The following LARP1B variants were observed in gnomAD, a reference collection of about 807,000 sequenced individuals.
LARP1B encodes La ribonucleoprotein 1B.
In LARP1B, 76 loss-of-function variants were observed where a neutral mutation model predicts 114.2. That is an observed-to-expected ratio of 0.67 (90% CI 0.55 to 0.81). The LOEUF (loss-of-function observed/expected upper bound fraction) is 0.81, where lower values mean the gene tolerates loss of function less well. Among genes scored for constraint, LARP1B ranks in the 30% least tolerant of loss-of-function variants. The probability of loss-of-function intolerance (pLI) is 0.00; values close to 1 mark genes in which losing one functional copy is unlikely to be tolerated. For missense variants in LARP1B, 1,014 were observed against 1,075.8 expected (o/e 0.94, Z 0.80); for synonymous variants, 345 against 348.0 (o/e 0.99, Z 0.10).
chr4:128,113,947 C>T (rs1383558176), intron 9 of LARP1B, among the ~76,000 whole-genome samples: 6 of 151,924 alleles, frequency 3.9e-5, no homozygotes, highest in South Asian at 4.2e-4. Flanking sequence ...CCACCACGCC[C>T]GGCTAATTTT....
chr4:128,086,082 C>T (rs561921948), intron 5 of LARP1B, among the ~76,000 whole-genome samples: 26 of 142,566 alleles, frequency 1.8e-4, no homozygotes, highest in South Asian at 1.8e-3. Flanking sequence ...GGCGCGATCT[C>T]GGCTCGCTGC....
chr4:128,091,151 CA>C lies in LARP1B; in HGVS notation c.502+8del. Reference sequence around the variant, plus strand: ...GGCAGAGGAAATCCTCGATGTATGACATAATTTTTGTTTCGTTAAATTAGAT... The same window carrying C: ...GGCAGAGGAAATCCTCGATGTATGACTAATTTTTGTTTCGTTAAATTAGAT... On this transcript the variant is annotated splice_region_variant and intron_variant, in intron 6 of 19. Transcript: ENST00000326639. The C allele has an allele frequency of 6.2e-7, 1 of 1,606,454 alleles. No homozygotes were observed. The highest frequency in any genetic ancestry group is 8.5e-7 in the Non-Finnish European group (1 of 1,178,286).
At chr4:128,127,257 CAG>C (rs10552671) in intron 11 of LARP1B, among the ~76,000 whole-genome samples, 89,676 of 151,694 alleles carry the variant, frequency 0.59, 27,604 homozygotes, top group Middle Eastern at 0.8. Context: ...GAAAGGACTG[CAG>C]AGCAAAACAA....
chr4:128,130,348 A>G (rs773997925), intron 11 of LARP1B, among the ~76,000 whole-genome samples: 30 of 152,210 alleles, frequency 2.0e-4, no homozygotes, highest in Non-Finnish European at 1.8e-4. Context: ...TGGTCGATAG[A>G]CCAGTTTATT....
chr4:128,073,820 A>AC (rs1394410439), intron 1 of LARP1B, among the ~76,000 whole-genome samples: 1 of 150,548 alleles, frequency 6.6e-6, no homozygotes, highest in Non-Finnish European at 1.5e-5. Flanking sequence ...CAAACTCCTG[A>AC]CTCCAGTGAT....
At chr4:128,083,541 C>T (rs1381916004) in intron 5 of LARP1B, among the ~76,000 whole-genome samples, 1 of 149,770 alleles carries the variant, frequency 6.7e-6, no homozygotes, top group African/African-American at 2.5e-5. Flanking sequence ...GCGCCCCTCA[C>T]CTCCCGGACG....
chr4:128,176,505 G>A (rs773579001), intron 12 of LARP1B, among the ~76,000 whole-genome samples: 20 of 151,774 alleles, frequency 1.3e-4, no homozygotes, highest in African/African-American at 3.6e-4. Flanking sequence ...CATTGGACAG[G>A]CTGGTCTCGA....
chr4:128,125,699 T>G (rs72683906), intron 11 of LARP1B, among the ~76,000 whole-genome samples: 4,109 of 152,248 alleles, frequency 0.027, 82 homozygotes, highest in Middle Eastern at 0.058. Flanking sequence ...TGAGTGGAGA[T>G]CACGTCAATG....
intron 8 of LARP1B, among the ~76,000 whole-genome samples, chr4:128,104,558 C>T (rs746592262): frequency 1.1e-4 from 17 of 152,056 alleles, no homozygotes; most frequent in Non-Finnish European, 1.8e-4. Context: ...GATTCTCCTG[C>T]CTCAGCCTCC....
intron 11 of LARP1B, among the ~76,000 whole-genome samples, chr4:128,124,749 G>GGAAATATA (rs1789022491): frequency 2.6e-5 from 4 of 152,176 alleles, no homozygotes; most frequent in Admixed American, 2.6e-4. Flanking sequence ...AGGTGGCAGA[G>GGAAATATA]GAAATATAGA....
chr4:128,083,515 GGGCGGCCGGGCAGA>G lies in LARP1B; in HGVS notation c.358+1215_358+1228del, dbSNP rs1771570809. 4.7e-5 allele frequency among the ~76,000 whole-genome samples: 7 copies of G among 150,286 alleles called. 1 individual carries two copies. The South Asian group carries it at 1.5e-3, about 32-fold the overall frequency. On this transcript the variant is annotated intron_variant, in intron 5 of 19. Coordinates refer to ENST00000326639, the MANE Select transcript of LARP1B (RefSeq NM_018078.4). ...AGAGGGGCGCCTCACTTCCCAGTAG[GGGCGGCCGGGCAGA>G]GGCGCCCCTCACCTCCCGGACGGGG...
At chr4:128,111,533 C>T (rs1217890124) in intron 9 of LARP1B, among the ~76,000 whole-genome samples, 1 of 151,976 alleles carries the variant, frequency 6.6e-6, no homozygotes, top group East Asian at 1.9e-4. Context: ...ACCCAGTCTA[C>T]AAAATACATG....
intron 6 of LARP1B, among the ~76,000 whole-genome samples, chr4:128,219,393 C>A (rs1218576537): frequency 8.5e-5 from 6 of 70,980 alleles, no homozygotes; most frequent in Non-Finnish European, 1.7e-4. Flanking sequence ...TTGGAACCAA[C>A]CCAAATGTCC....
chr4:128,088,777 T>C (rs1284514384), intron 5 of LARP1B, among the ~76,000 whole-genome samples: 2 of 152,060 alleles, frequency 1.3e-5, no homozygotes, highest in East Asian at 3.9e-4. Context: ...GTAAAATAAA[T>C]AAGGCTTACT....
In LARP1B at chr4:128,199,543, A is replaced by G. The variant is rs759016994; in HGVS notation, c.2108A>G (p.Lys703Arg). Residue 703 changes from lysine to arginine, a missense_variant, in exon 16 of 20, where the codon AAG (lysine) becomes AGG (arginine). Lys to Arg is a conservative substitution (Grantham distance 26). Coordinates refer to ENST00000326639, the MANE Select transcript of LARP1B (RefSeq NM_018078.4). ...CAGCATCCTTCTCATGAACTTTTGAAGGAAAATGGCTTTACCCAACAAGTG... is the reference window on the plus strand; with the variant it reads ...CAGCATCCTTCTCATGAACTTTTGAGGGAAAATGGCTTTACCCAACAAGTG... The part of the protein sequence containing the change: ...KFQHPSHELL[K>R]ENGFTQQVYH... 12 of 1,601,626 alleles carry G rather than the reference A, an allele frequency of 7.5e-6. No individual in the cohort carries two copies. The highest frequency in any genetic ancestry group is 3.4e-5 in the South Asian group (3 of 88,018).
Position 128,074,481 on chromosome 4 carries a change from T to C in LARP1B, c.-56T>C. ...TTAGAATTCGGTTCCCTCAAAATTA[T>C]AAAGGCAGGAAAGCTCAAGACAAAG... is the stretch of plus-strand genomic sequence containing the variant. On this transcript the variant is annotated 5_prime_UTR_variant, in exon 2 of 20. Coordinates refer to ENST00000326639, the MANE Select transcript of LARP1B (RefSeq NM_018078.4). 2.2e-6 allele frequency: 2 copies of C among 907,690 alleles called. No individual in the cohort carries two copies. Among genetic ancestry groups the C allele is most frequent in the Non-Finnish European group, 2.6e-6 (2 of 758,650 alleles). 56.2% of individuals were successfully genotyped at this position (907,690 alleles called of 1,614,324 possible).
At chr4:128,143,803 G>A (rs1729138842) in intron 11 of LARP1B, among the ~76,000 whole-genome samples, 1 of 151,912 alleles carries the variant, frequency 6.6e-6, no homozygotes, top group Non-Finnish European at 1.5e-5. Flanking sequence ...CAGGGTGTGT[G>A]TGTGTGTGTG....
chr4:128,063,427 CAAAAAAAAA>C (rs763868048), intron 1 of LARP1B, among the ~76,000 whole-genome samples: 61 of 13,214 alleles, frequency 4.6e-3, no homozygotes, highest in African/African-American at 9.7e-3. Context: ...GACCCACTCT[CAAAAAAAAA>C]AAAAAAAAAA....
chr4:128,207,691 C>T (rs1757963849), intron 19 of LARP1B, among the ~76,000 whole-genome samples: 1 of 152,226 alleles, frequency 6.6e-6, no homozygotes, highest in South Asian at 2.1e-4. Context: ...TTGTCACTAG[C>T]AATGTGAAAA....
Sources: gnomAD v4.1 joint callset for allele counts (sites outside exome capture counted in the v4.1 genomes callset) on GRCh38, gnomAD v4.1.1 for gene constraint, MANE v1.5 for transcripts, NCBI Gene and HGNC (gene_info 2026-07-23, HGNC 2026-07-21) for gene names.